The following PTPRD variants were observed in gnomAD, a reference collection of about 807,000 sequenced individuals.
PTPRD encodes the protein receptor-type tyrosine-protein phosphatase delta.
PTPRD carries 34 observed loss-of-function variants against 214.5 expected under a neutral mutation model. The observed-to-expected ratio is 0.16, with a 90% CI of 0.12 to 0.21. The LOEUF is 0.21. PTPRD is among the 10% of genes least tolerant of loss of function. PTPRD has a pLI of 1.00. For missense variants in PTPRD, 2,545 were observed against 2,398.7 expected (o/e 1.06, Z -1.27); for synonymous variants, 1,128 against 845.7 (o/e 1.33, Z -5.79).
intron 5 of PTPRD, among the ~76,000 whole-genome samples, chr9:9,794,180 T>C (rs114563460): frequency 0.019 from 2,842 of 148,832 alleles, 92 homozygotes; most frequent in African/African-American, 0.068. Context: ...TATACATGTA[T>C]ATATACATAT....
chr9:8,794,721 A>G (rs1008688438), intron 11 of PTPRD, among the ~76,000 whole-genome samples: 65 of 152,244 alleles, frequency 4.3e-4, no homozygotes, highest in African/African-American at 1.4e-3. Flanking sequence ...GGTTTCAAAG[A>G]GATTTTAAGT....
intron 3 of PTPRD, among the ~76,000 whole-genome samples, chr9:10,168,711 A>G (rs912983276): frequency 6.6e-6 from 1 of 152,246 alleles, no homozygotes; most frequent in African/African-American, 2.4e-5. Context: ...CACTAATTCA[A>G]TGACTAACTA....
intron 11 of PTPRD, among the ~76,000 whole-genome samples, chr9:8,809,964 C>A (rs902995576): frequency 6.6e-6 from 1 of 152,176 alleles, no homozygotes; most frequent in Non-Finnish European, 1.5e-5. Flanking sequence ...AGAACTATCA[C>A]CTGCTATCAG....
At chr9:9,263,125 G>T (rs2099980860) in intron 9 of PTPRD, among the ~76,000 whole-genome samples, 1 of 151,434 alleles carries the variant, frequency 6.6e-6, no homozygotes, top group African/African-American at 2.4e-5. Context: ...CAAGTTCTGG[G>T]GGCTCTGTTA....
At chr9:9,719,178 G>A (rs2097889866) in intron 7 of PTPRD, among the ~76,000 whole-genome samples, 1 of 152,128 alleles carries the variant, frequency 6.6e-6, no homozygotes, top group African/African-American at 2.4e-5. Context: ...CCAGAGACTT[G>A]TGAGGATGAC....
chr9:10,231,812 G>A (rs1359074963), intron 3 of PTPRD, among the ~76,000 whole-genome samples: 1 of 151,872 alleles, frequency 6.6e-6, no homozygotes, highest in South Asian at 2.1e-4. Context: ...TCCCAATGTG[G>A]TGGTATTGGG....
At chr9:9,186,155 A>G (rs1413543586) in intron 9 of PTPRD, among the ~76,000 whole-genome samples, 1 of 152,110 alleles carries the variant, frequency 6.6e-6, no homozygotes. Flanking sequence ...AAGAAAATGG[A>G]TTTTCAGCAA....
At chr9:10,201,899 C>CTT (rs148679767) in intron 3 of PTPRD, among the ~76,000 whole-genome samples, 8 of 150,414 alleles carry the variant, frequency 5.3e-5, no homozygotes, top group African/African-American at 1.7e-4. Flanking sequence ...TTTCAGTAAA[C>CTT]TTTTTTTTTT....
At chr9:9,109,702 T>C (rs1490825424) in intron 10 of PTPRD, among the ~76,000 whole-genome samples, 2 of 152,128 alleles carry the variant, frequency 1.3e-5, no homozygotes, top group African/African-American at 4.8e-5. Context: ...GGCCTCCTCT[T>C]ATATTCTTCT....
Position 10,559,618 on chromosome 9 carries a change from G to A in PTPRD, c.-600+52780C>T, listed in dbSNP as rs187251737. 3.7e-3 allele frequency among the ~76,000 whole-genome samples: 568 copies of A among 152,088 alleles called. 1 individual carries two copies. The highest frequency in any genetic ancestry group is 8.1e-3 in the Admixed American group (123 of 15,256). On this transcript the variant is annotated intron_variant, in intron 2 of 45. Coordinates refer to ENST00000381196, the MANE Select transcript of PTPRD (RefSeq NM_002839.4). ...AAAGAAGCTACCATCAGAGTGAACA[G>A]GCAACCCACAAAATGGGAGAAAATT...
Position 8,471,655 on chromosome 9 carries a change from T to A in PTPRD, c.3414-570A>T, listed in dbSNP as rs930967206. 6.6e-5 allele frequency among the ~76,000 whole-genome samples: 10 copies of A among 152,154 alleles called. 1 individual carries two copies. Among genetic ancestry groups the A allele is most frequent in the Admixed American group, 6.6e-4 (10 of 15,266 alleles). ...CTTTTTCTACCCATCAAATTGCAAA[T>A]CTCGAGGTAAGTACCGCAGAAAATT... On this transcript the variant is annotated intron_variant, in intron 30 of 45. Coordinates refer to ENST00000381196, the MANE Select transcript of PTPRD (RefSeq NM_002839.4).
chr9:9,678,061 A>C (rs2096973250), intron 7 of PTPRD, among the ~76,000 whole-genome samples: 1 of 152,178 alleles, frequency 6.6e-6, no homozygotes, highest in African/African-American at 2.4e-5. Context: ...TGCTCAAAAA[A>C]TAAAAGAGGA....
chr9:8,997,416 T>C (rs190076331), intron 11 of PTPRD, among the ~76,000 whole-genome samples: 14 of 152,218 alleles, frequency 9.2e-5, no homozygotes, highest in African/African-American at 2.9e-4. Flanking sequence ...TTAGCATATC[T>C]GTTATAGTCT....
chr9:9,764,829 C>T (rs1245698617), intron 6 of PTPRD, among the ~76,000 whole-genome samples: 1 of 152,144 alleles, frequency 6.6e-6, no homozygotes, highest in Non-Finnish European at 1.5e-5. Context: ...AACTGCCTCA[C>T]AGTGTAATAA....
Position 9,364,773 on chromosome 9 carries a change from G to A in PTPRD, c.-203+32676C>T, listed in dbSNP as rs78327856. 2.7e-3 allele frequency among the ~76,000 whole-genome samples: 413 copies of A among 151,636 alleles called. 2 individuals carry two copies. Among genetic ancestry groups the A allele is most frequent in the African/African-American group, 9.2e-3 (382 of 41,470 alleles). On this transcript the variant is annotated intron_variant, in intron 9 of 45. Coordinates refer to ENST00000381196, the MANE Select transcript of PTPRD (RefSeq NM_002839.4). ...GGCTTTATTCTTAGTGAGATATGAA[G>A]CAGAGGGTTTTGAGGTGAGGAGTGA...
chr9:9,113,310 T>C (rs1447453694), intron 10 of PTPRD, among the ~76,000 whole-genome samples: 3 of 152,000 alleles, frequency 2.0e-5, no homozygotes, highest in Non-Finnish European at 2.9e-5. Context: ...ATCTATTGCA[T>C]CCATCTTTCC....
chr9:10,416,517 T>C (rs1247261326), intron 2 of PTPRD, among the ~76,000 whole-genome samples: 1 of 151,760 alleles, frequency 6.6e-6, no homozygotes, highest in African/African-American at 2.4e-5. Context: ...GAGATTTCAC[T>C]GGGAAAATAA....
intron 14 of PTPRD, among the ~76,000 whole-genome samples, chr9:8,548,257 C>G (rs1454067040): frequency 6.6e-6 from 1 of 152,130 alleles, no homozygotes; most frequent in Non-Finnish European, 1.5e-5. Flanking sequence ...GGTAGGAAGA[C>G]AGTGTGCAAG....
At chr9:10,162,708 CG>C (rs1168547373) in intron 3 of PTPRD, among the ~76,000 whole-genome samples, 2 of 144,570 alleles carry the variant, frequency 1.4e-5, no homozygotes, top group Non-Finnish European at 3.0e-5. Flanking sequence ...TACATATACA[CG>C]TATATATATA....
Sources: allele counts gnomAD v4.1 joint callset (sites outside exome capture counted in the v4.1 genomes callset), GRCh38; gene constraint gnomAD v4.1.1; transcripts MANE v1.5; gene names NCBI Gene and HGNC (gene_info 2026-07-23, HGNC 2026-07-21).